Variants in ADRA1B observed in about 807,000 individuals in gnomAD.
ADRA1B encodes adrenoceptor alpha 1B, also known as alpha-1B adrenergic receptor.
Under a neutral mutation model 17.9 loss-of-function variants are expected in ADRA1B, and 17 were observed. That is an observed-to-expected ratio of 0.95 (90% CI 0.65 to 1.42). The LOEUF (loss-of-function observed/expected upper bound fraction) is 1.42, where lower values mean the gene tolerates loss of function less well. Ranked by LOEUF, ADRA1B falls within the 40% of genes most tolerant of loss-of-function variation. The pLI is 0.00. For synonymous variants in ADRA1B, 366 were observed against 327.6 expected (o/e 1.12, Z -1.27); for missense variants, 681 against 722.1 (o/e 0.94, Z 0.65).
At chr5:159,897,698 T>C (rs535829300) in intron 1 of ADRA1B, among the ~76,000 whole-genome samples, 17 of 152,162 alleles carry the variant, frequency 1.1e-4, no homozygotes, top group Non-Finnish European at 2.4e-4. Context: ...GGCCTGTCCT[T>C]GTTGGTAAAC....
At chr5:159,960,361 C>T (rs1445222599) in intron 1 of ADRA1B, among the ~76,000 whole-genome samples, 1 of 152,218 alleles carries the variant, frequency 6.6e-6, no homozygotes, top group Non-Finnish European at 1.5e-5. Context: ...GCAGTTTGAA[C>T]TTTATCCTAC....
chr5:159,917,855 G>C lies in ADRA1B; in HGVS notation c.949+1G>C. 1 of 1,595,224 alleles carries C rather than the reference G, an allele frequency of 6.3e-7. No homozygotes were observed. Among genetic ancestry groups the C allele is most frequent in the Non-Finnish European group, 8.5e-7 (1 of 1,172,208 alleles). Reference sequence around the variant, plus strand: ...CCCTTCTTCATCGCTCTACCGCTTGGTAAGTTGGGGACTAGCAGCAGGGGG... The same window carrying C: ...CCCTTCTTCATCGCTCTACCGCTTGCTAAGTTGGGGACTAGCAGCAGGGGG... On this transcript the variant is annotated splice_donor_variant, in intron 1 of 1. Transcript: ENST00000306675. LOFTEE classifies it high-confidence loss of function.
At chr5:159,903,574 G>T (rs887990539) in intron 1 of ADRA1B, among the ~76,000 whole-genome samples, 10 of 152,088 alleles carry the variant, frequency 6.6e-5, no homozygotes, top group African/African-American at 2.4e-4. Context: ...GCTAAGAATT[G>T]GATCCACTGG....
intron 1 of ADRA1B, among the ~76,000 whole-genome samples, chr5:159,955,944 A>G (rs1229950585): frequency 6.6e-6 from 1 of 151,920 alleles, no homozygotes; most frequent in Non-Finnish European, 1.5e-5. Context: ...CTCTCTGATT[A>G]CCAAAGAAAT....
chr5:159,962,521 C>T (rs541806989), intron 1 of ADRA1B, among the ~76,000 whole-genome samples: 44 of 152,184 alleles, frequency 2.9e-4, no homozygotes, highest in African/African-American at 9.9e-4. Context: ...CTGGTGCTGC[C>T]GTCTACCCAT....
Position 159,972,514 on chromosome 5 carries a change from T to C in ADRA1B, c.*22T>C, listed in dbSNP as rs1755898353. 7 of 1,043,892 alleles carry C rather than the reference T, an allele frequency of 6.7e-6. No individual in the cohort carries two copies. The Admixed American group carries it at 3.3e-4, about 50-fold the overall frequency. The allele number at this position is 1,043,892 out of a possible 1,614,324, so 64.7% of individuals were successfully genotyped here. A position where few individuals can be genotyped will look rare whatever the true frequency, so the allele number is the denominator to read the frequency against. ...TTAGGGCCCCCGTGCGCAGCTTTCT[T>C]TCCCTGGGGAGGAAAACATCGTGGG... On this transcript the variant is annotated 3_prime_UTR_variant, in exon 2 of 2. Coordinates refer to ENST00000306675, the MANE Select transcript of ADRA1B (RefSeq NM_000679.4).
chr5:159,940,844 C>T (rs1345468986), intron 1 of ADRA1B, among the ~76,000 whole-genome samples: 1 of 152,152 alleles, frequency 6.6e-6, no homozygotes, highest in African/African-American at 2.4e-5. Context: ...CAAAACAATA[C>T]AAAGACAGTT....
At chr5:159,930,502 G>A (rs185418954) in intron 1 of ADRA1B, among the ~76,000 whole-genome samples, 28 of 152,248 alleles carry the variant, frequency 1.8e-4, no homozygotes, top group South Asian at 6.2e-4. Flanking sequence ...TCGCTTGTAC[G>A]CAGGAGGCGG....
chr5:159,883,386 G>C lies in ADRA1B; in HGVS notation c.-256+18180G>C, dbSNP rs148517277. Among the ~76,000 whole-genome samples the C allele has an allele frequency of 1.1e-4, 17 of 152,334 alleles. 1 individual carries two copies. Among genetic ancestry groups the C allele is most frequent in the African/African-American group, 4.1e-4 (17 of 41,574 alleles). ...GGATTGAAACAGAGGGCAAGATGCA[G>C]AAAGTGTTGAATCCAAAATTACCCC... On this transcript the variant is annotated intron_variant, in intron 1 of 2. Coordinates refer to the ADRA1B transcript ENST00000641205.
intron 1 of ADRA1B, among the ~76,000 whole-genome samples, chr5:159,903,288 CTT>C (rs1369131284): frequency 6.6e-6 from 1 of 152,208 alleles, no homozygotes; most frequent in African/African-American, 2.4e-5. Context: ...GGCCCTGTGT[CTT>C]AGTCCTTCCC....
chr5:159,881,299 T>TTCTCTCTCTCTCTCTCTC (rs11471058), intron 1 of ADRA1B, among the ~76,000 whole-genome samples: 18 of 131,968 alleles, frequency 1.4e-4, no homozygotes, highest in African/African-American at 2.6e-4. Flanking sequence ...TATCAGAAAG[T>TTCTCTCTCTCTCTCTCTC]TCTCTCTCTC....
chr5:159,921,841 G>T (rs1754489753), intron 1 of ADRA1B, among the ~76,000 whole-genome samples: 1 of 152,194 alleles, frequency 6.6e-6, no homozygotes, highest in Non-Finnish European at 1.5e-5. Context: ...ACAAGCACAA[G>T]GTTCTCAGAG....
At chr5:159,893,089 CTTAA>C (rs1362075186) in intron 1 of ADRA1B, among the ~76,000 whole-genome samples, 1 of 152,298 alleles carries the variant, frequency 6.6e-6, no homozygotes, top group African/African-American at 2.4e-5. Context: ...CATTATTTAA[CTTAA>C]TTAATGGAAT....
chr5:159,959,866 C>T (rs942299901), intron 1 of ADRA1B, among the ~76,000 whole-genome samples: 7 of 151,518 alleles, frequency 4.6e-5, no homozygotes, highest in Non-Finnish European at 8.8e-5. Context: ...CTTCCCCACC[C>T]CAGAAGTATT....
chr5:159,950,219 C>T (rs533746014), intron 1 of ADRA1B, among the ~76,000 whole-genome samples: 5 of 152,308 alleles, frequency 3.3e-5, no homozygotes, highest in African/African-American at 9.6e-5. Flanking sequence ...AGGAAGGAGG[C>T]GGACAGAGGA....
upstream of ADRA1B, among the ~76,000 whole-genome samples, chr5:159,912,438 A>G (rs564366335): frequency 3.9e-5 from 6 of 152,336 alleles, no homozygotes; most frequent in East Asian, 1.2e-3. Flanking sequence ...CTGGAAGGCA[A>G]GGAAGACTAA....
chr5:159,946,322 T>C lies in ADRA1B; in HGVS notation c.950-25557T>C, dbSNP rs78593719. On this transcript the variant is annotated intron_variant, in intron 1 of 1. Coordinates refer to ENST00000306675, the MANE Select transcript of ADRA1B (RefSeq NM_000679.4). ...ATGCATACAAACTGTGTGACACTTA[T>C]TTCTCTTTAAATAAACTTTTTATTG... Among the ~76,000 whole-genome samples the C allele has an allele frequency of 8.5e-3, 1,292 of 152,358 alleles. 19 individuals carry two copies. Among genetic ancestry groups the C allele is most frequent in the African/African-American group, 0.029 (1,209 of 41,580 alleles).
At chr5:159,928,519 A>G (rs997849790) in intron 1 of ADRA1B, among the ~76,000 whole-genome samples, 1 of 152,206 alleles carries the variant, frequency 6.6e-6, no homozygotes, top group African/African-American at 2.4e-5. Context: ...GTTCTAGCAC[A>G]TGTAAGTGGC....
intron 1 of ADRA1B, among the ~76,000 whole-genome samples, chr5:159,866,438 T>C (rs1355401111): frequency 6.6e-6 from 1 of 151,522 alleles, no homozygotes; most frequent in Non-Finnish European, 1.5e-5. Flanking sequence ...AATACAAAAA[T>C]TAGCCAGGCA....
Sources: allele counts gnomAD v4.1 joint callset (sites outside exome capture counted in the v4.1 genomes callset), GRCh38; gene constraint gnomAD v4.1.1; transcripts MANE v1.5; gene names NCBI Gene and HGNC (gene_info 2026-07-23, HGNC 2026-07-21).